Variants in LARP1 observed in about 807,000 individuals in gnomAD.
LARP1 encodes la-related protein 1.
Under a neutral mutation model 122.7 loss-of-function variants are expected in LARP1, and 36 were observed. The ratio of observed to expected loss-of-function variants is 0.29; its 90% CI spans 0.22 to 0.39. LARP1 has a LOEUF of 0.39. Ranked by LOEUF, LARP1 falls within the 10% of genes least tolerant of loss-of-function variation. The pLI is 1.00. For missense variants in LARP1, 1,040 were observed against 1,403.6 expected (o/e 0.74, Z 4.14); for synonymous variants, 539 against 528.7 (o/e 1.02, Z -0.27).
At chr5:154,710,331 G>C (rs1268726528), upstream of LARP1, among the ~76,000 whole-genome samples, 2 of 152,082 alleles carry the variant, frequency 1.3e-5, no homozygotes. Context: ...ATACTGAGAG[G>C]CCAGGCACAG....
At chr5:154,684,164 G>A (rs538985998) in intron 1 of LARP1, among the ~76,000 whole-genome samples, 8 of 152,148 alleles carry the variant, frequency 5.3e-5, no homozygotes, top group South Asian at 2.1e-4. Context: ...AGATTCTGAC[G>A]TGGCACGATG....
At position 154,800,061 on chromosome 5, in the gene LARP1, C is replaced by A. The variant is rs1196688338; in HGVS notation, c.1716+19C>A. The A allele has an allele frequency of 6.2e-7, 1 of 1,610,496 alleles. No homozygotes were observed. Among genetic ancestry groups the A allele is most frequent in the African/African-American group, 1.3e-5 (1 of 74,976 alleles). On this transcript the variant is annotated intron_variant, in intron 10 of 18. Coordinates refer to ENST00000518297, the MANE Select transcript of LARP1 (RefSeq NM_033551.3). Reference sequence around the variant, plus strand: ...GCCCAAGGTGGGTGAGGCCTTGTCCCTTGCCTTGGTTCTAGCACTCTGAGC... The same window carrying A: ...GCCCAAGGTGGGTGAGGCCTTGTCCATTGCCTTGGTTCTAGCACTCTGAGC...
chr5:154,711,686 C>A (rs1755232594), upstream of LARP1, among the ~76,000 whole-genome samples: 1 of 152,126 alleles, frequency 6.6e-6, no homozygotes, highest in Admixed American at 6.5e-5. Context: ...TCTTGAATTA[C>A]CTTCCAGGAA....
rs544672390 is a variant in LARP1, at chr5:154,812,987, C to G, written c.3082-900C>G. Among the ~76,000 whole-genome samples, 3 of 152,202 alleles carry G rather than the reference C, an allele frequency of 2.0e-5. No homozygotes were observed. The South Asian group carries it at 6.2e-4, about 32-fold the overall frequency. ...ATCGAGATTTGGGTGGAGACACAGC[C>G]AAATCATCACATTTATTATTTTAAA... On this transcript the variant is annotated intron_variant, in intron 18 of 18. Coordinates refer to ENST00000518297, the MANE Select transcript of LARP1 (RefSeq NM_033551.3).
intron 1 of LARP1, among the ~76,000 whole-genome samples, chr5:154,717,195 A>G (rs1755560530): frequency 1.3e-5 from 2 of 152,206 alleles, no homozygotes; most frequent in Admixed American, 1.3e-4. Flanking sequence ...TCATATGCCA[A>G]CAACCAACTT....
chr5:154,730,423 G>C (rs1047098775), intron 1 of LARP1, among the ~76,000 whole-genome samples: 5 of 150,888 alleles, frequency 3.3e-5, no homozygotes, highest in Non-Finnish European at 5.9e-5. Flanking sequence ...ATGTAGAAAA[G>C]TGCACAAATC....
At chr5:154,795,813 A>ATATATATATTTATATATATATTT (rs1416133367) in intron 8 of LARP1, among the ~76,000 whole-genome samples, 23 of 112,132 alleles carry the variant, frequency 2.1e-4, no homozygotes, top group Admixed American at 6.2e-4. Flanking sequence ...AATTGGCGCC[A>ATATATATATTTATATATATATTT]TATATATATT....
At chr5:154,756,498 G>A in intron 1 of LARP1, 2 of 986,014 alleles carry the variant, frequency 2.0e-6, no homozygotes, top group Non-Finnish European at 2.4e-6. Context: ...TGGTTTCAGT[G>A]AAACGATCCC....
At chr5:154,739,164 C>T (rs1195915758) in intron 1 of LARP1, among the ~76,000 whole-genome samples, 3 of 151,888 alleles carry the variant, frequency 2.0e-5, no homozygotes, top group East Asian at 1.9e-4. Context: ...TACAGGCACC[C>T]GCCAACACGC....
At chr5:154,775,418 G>A (rs1302811776) in intron 1 of LARP1, among the ~76,000 whole-genome samples, 2 of 151,804 alleles carry the variant, frequency 1.3e-5, no homozygotes, top group African/African-American at 2.4e-5. Context: ...ACCTGAACCC[G>A]GGGAGGTCGA....
chr5:154,723,262 AG>A, intron 1 of LARP1, among the ~76,000 whole-genome samples: 1 of 152,312 alleles, frequency 6.6e-6, no homozygotes, highest in East Asian at 1.9e-4. Context: ...CTTAACCCTA[AG>A]GTTTTCAGCT....
intron 1 of LARP1, among the ~76,000 whole-genome samples, chr5:154,781,705 C>T (rs551610708): frequency 2.6e-5 from 4 of 152,324 alleles, no homozygotes; most frequent in African/African-American, 9.6e-5. Context: ...GCTTTGAATG[C>T]GTCCTGACAC....
intron 1 of LARP1, among the ~76,000 whole-genome samples, chr5:154,784,049 A>G (rs1756683332): frequency 6.6e-6 from 1 of 152,240 alleles, no homozygotes; most frequent in Admixed American, 6.5e-5. Context: ...TCTGGGAGCC[A>G]GCAGTTTCTA....
chr5:154,686,733 TTTGA>T (rs1346912327), intron 1 of LARP1, among the ~76,000 whole-genome samples: 1 of 152,192 alleles, frequency 6.6e-6, no homozygotes, highest in African/African-American at 2.4e-5. Flanking sequence ...CGACAGACTG[TTTGA>T]TTGGCACACA....
chr5:154,739,568 A>T (rs2113450939), intron 1 of LARP1, among the ~76,000 whole-genome samples: 1 of 152,132 alleles, frequency 6.6e-6, no homozygotes, highest in East Asian at 1.9e-4. Flanking sequence ...TGAAGACATT[A>T]AATTTTTTTT....
intron 1 of LARP1, among the ~76,000 whole-genome samples, chr5:154,732,741 T>C (rs1756662189): frequency 6.6e-6 from 1 of 152,220 alleles, no homozygotes; most frequent in Admixed American, 6.5e-5. Flanking sequence ...TTTAAAACAA[T>C]AGACCTTGTC....
rs552274748 is a variant in LARP1 at position 154,791,739 on chromosome 5, A to T, written c.565-883A>T. ...GGCCCTGCAGGACCTACATATATGAAAAGTTGGCCTTCCGTGTATGCAGGT... is the reference window on the plus strand; with the variant it reads ...GGCCCTGCAGGACCTACATATATGATAAGTTGGCCTTCCGTGTATGCAGGT... On this transcript the variant is annotated intron_variant, in intron 3 of 18. Coordinates refer to ENST00000518297, the MANE Select transcript of LARP1 (RefSeq NM_033551.3). Among the ~76,000 whole-genome samples the T allele has an allele frequency of 5.9e-5, 9 of 152,286 alleles. No homozygotes were observed. The East Asian group carries it at 1.4e-3, about 23-fold the overall frequency.
intron 1 of LARP1, among the ~76,000 whole-genome samples, chr5:154,723,069 T>A (rs1304873891): frequency 6.6e-6 from 1 of 152,154 alleles, no homozygotes; most frequent in African/African-American, 2.4e-5. Flanking sequence ...ATACAGTGAG[T>A]TGAGGTAGAG....
rs1248697213 is a variant in LARP1, at chr5:154,691,280, G to A, written c.-180+8243G>A. Among the ~76,000 whole-genome samples, 148 of 108,344 alleles carry A rather than the reference G, an allele frequency of 1.4e-3. 11 individuals are homozygous for A. The highest frequency in any genetic ancestry group is 9.8e-3 in the Middle Eastern group (2 of 204). The allele number at this position is 108,344 out of a possible 152,430, so 71.1% of individuals were successfully genotyped here. On this transcript the variant is annotated intron_variant, in intron 1 of 18. Coordinates refer to the LARP1 transcript ENST00000687700. Reference sequence around the variant, plus strand: ...CCGTCTCAAAAAAAAAAAAAAGAAAGAAAGTATCAGACTTGCAATCAAGAG... The same window carrying A: ...CCGTCTCAAAAAAAAAAAAAAGAAAAAAAGTATCAGACTTGCAATCAAGAG...
Sources: gnomAD v4.1 joint callset for allele counts (sites outside exome capture counted in the v4.1 genomes callset) on GRCh38, gnomAD v4.1.1 for gene constraint, MANE v1.5 for transcripts, NCBI Gene and HGNC (gene_info 2026-07-23, HGNC 2026-07-21) for gene names.